LRP2: variants seen among roughly 807,000 people sequenced by gnomAD.
The protein encoded by LRP2 is low-density lipoprotein receptor-related protein 2.
In LRP2, 172 loss-of-function variants were observed where a neutral mutation model predicts 531.0. That is an observed-to-expected ratio of 0.32 (90% CI 0.29 to 0.37). The LOEUF (loss-of-function observed/expected upper bound fraction) is 0.37. Among genes scored for constraint, LRP2 ranks in the 10% least tolerant of loss-of-function variants. The pLI is 1.00. For synonymous variants in LRP2, 1,992 were observed against 2,027.6 expected, an observed-to-expected ratio of 0.98 and a Z score of 0.47; for missense variants, 5,167 against 5,868.3, an observed-to-expected ratio of 0.88 and a Z score of 3.90.
intron 71 of LRP2, among the ~76,000 whole-genome samples, chr2:169,141,675 A>G (rs1685722343): frequency 6.6e-6 from 1 of 152,246 alleles, no homozygotes; most frequent in African/African-American, 2.4e-5. Flanking sequence ...AACCAGGACC[A>G]CACTGCTCCC....
At position 169,170,662 on chromosome 2, in the gene LRP2, G is replaced by A. The variant is rs765588304; in HGVS notation, c.11269C>T (p.Arg3757Trp). Residue 3757 changes from arginine to tryptophan, a missense_variant, in exon 59 of 79, where the codon CGG (arginine) becomes TGG (tryptophan). Arg to Trp is a moderately radical substitution (Grantham distance 101). Around this residue, in one of 6 missense-constraint regions of LRP2, gnomAD observed 564 missense variants for 747.7 expected, o/e 0.75. Coordinates refer to ENST00000649046, the MANE Select transcript of LRP2 (RefSeq NM_004525.3). Reference protein sequence around the residue: ...DNSDEENCAPRECTESEFRCV... With the variant: ...DNSDEENCAPWECTESEFRCV... ...CGAAACTCGCTCTCTGTGCACTCCCGGGGAGCTGGAAAGGAAAGGCACCTG... is the reference window on the plus strand; with the variant it reads ...CGAAACTCGCTCTCTGTGCACTCCCAGGGAGCTGGAAAGGAAAGGCACCTG... 19 of 1,610,194 alleles carry A rather than the reference G, an allele frequency of 1.2e-5. No individual in the cohort carries two copies. Among genetic ancestry groups the A allele is most frequent in the East Asian group, 1.1e-4 (5 of 44,832 alleles).
At position 169,206,479 on chromosome 2, in the gene LRP2, G is replaced by A; in HGVS notation, c.7241C>T (p.Thr2414Ile). 1 of 1,614,166 alleles carries A rather than the reference G, an allele frequency of 6.2e-7. No homozygotes were observed. The highest frequency in any genetic ancestry group is 8.5e-7 in the Non-Finnish European group (1 of 1,180,024). ...DPENHSPPFQ[T>I]INVERTVMSL... is the part of the protein sequence containing the mutation. ...CATGACAGTTCTTTCCACATTTATT[G>A]TTTGGAAAGGTGGGCTATGGTTTTC... The change falls in exon 39 of 79, where the codon ACA becomes ATA. Residue 2414 changes from threonine to isoleucine, a missense_variant. Transcript: ENST00000649046.
rs536123725 is a variant in LRP2, at chr2:169,362,151, C to A, written c.79+170G>T. Among the ~76,000 whole-genome samples the A allele has an allele frequency of 5.9e-5, 9 of 152,362 alleles. No individual in the cohort carries two copies. The East Asian group carries it at 1.5e-3, about 26-fold the overall frequency. On this transcript the variant is annotated intron_variant, in intron 1 of 78. Transcript: ENST00000649046. Reference sequence around the variant, plus strand: ...TTCCTGGCGAGCGAAGAGGGGCGCTCCCGCTCCGGCTTCGCGAAGCAACCT... The same window carrying A: ...TTCCTGGCGAGCGAAGAGGGGCGCTACCGCTCCGGCTTCGCGAAGCAACCT...
intron 3 of LRP2, among the ~76,000 whole-genome samples, chr2:169,307,611 C>G (rs143532485): frequency 6.6e-6 from 1 of 152,108 alleles, no homozygotes; most frequent in Non-Finnish European, 1.5e-5. Context: ...ATGCTATGTA[C>G]ACAATTACGT....
intron 10 of LRP2, among the ~76,000 whole-genome samples, chr2:169,281,284 T>C (rs963948461): frequency 3.9e-5 from 6 of 152,078 alleles, no homozygotes; most frequent in African/African-American, 9.7e-5. Flanking sequence ...TAGCTGGGCA[T>C]GGTGGCGGGG....
chr2:169,168,696 CAT>C lies in LRP2; in HGVS notation c.11498-22_11498-21del. ...GTGTGGCTGCCATGGGGGAAAAAAACATATTCAAATTATTATACAAATTGACT... is the reference window on the plus strand; with the variant it reads ...GTGTGGCTGCCATGGGGGAAAAAAACATTCAAATTATTATACAAATTGACT... On this transcript the variant is annotated intron_variant, in intron 60 of 78. Coordinates refer to ENST00000649046, the MANE Select transcript of LRP2 (RefSeq NM_004525.3). 6.2e-7 allele frequency: 1 copy of C among 1,608,050 alleles called. No homozygotes were observed. Among genetic ancestry groups the C allele is most frequent in the Non-Finnish European group, 8.5e-7 (1 of 1,174,408 alleles).
intron 69 of LRP2, among the ~76,000 whole-genome samples, chr2:169,146,157 A>G (rs1302990923): frequency 6.6e-6 from 1 of 152,156 alleles, no homozygotes; most frequent in Admixed American, 6.5e-5. Flanking sequence ...ACCACCCGAC[A>G]CCAATCACAG....
intron 29 of LRP2, among the ~76,000 whole-genome samples, chr2:169,235,530 C>T (rs966071532): frequency 1.3e-5 from 2 of 152,168 alleles, no homozygotes; most frequent in African/African-American, 4.8e-5. Flanking sequence ...TGAGCCACCG[C>T]GCCCGGCCAC....
chr2:169,237,578 A>G (rs1689652183), intron 27 of LRP2, among the ~76,000 whole-genome samples: 1 of 152,202 alleles, frequency 6.6e-6, no homozygotes, highest in Admixed American at 6.5e-5. Flanking sequence ...AGCTCTATCC[A>G]TTTGCTTAGT....
At chr2:169,140,149 A>G (rs1356649860) in intron 72 of LRP2, among the ~76,000 whole-genome samples, 2 of 151,930 alleles carry the variant, frequency 1.3e-5, no homozygotes, top group African/African-American at 4.8e-5. Flanking sequence ...CAATTCTCTA[A>G]CTCCTTGCTC....
At chr2:169,283,035 G>T (rs557524844) in intron 9 of LRP2, 34 bp from the exon 10 acceptor site, 3 of 1,611,852 alleles carry the variant, frequency 1.9e-6, no homozygotes, top group East Asian at 2.2e-5. Flanking sequence ...TGTAGTCAAG[G>T]TTATCAGCAT....
chr2:169,242,969 A>T lies in LRP2; in HGVS notation c.3654T>A (p.Asp1218Glu). ...DGVFDCSDNSDEAGCPTRPPG... is the reference protein window; with the variant it reads ...DGVFDCSDNSEEAGCPTRPPG... ...TGTGTTACTTACGACAGCCTGCTTC[A>T]TCCGAGTTGTCACTGCAATCAAAAA... Residue 1218 changes from aspartate (D) to glutamate (E), a missense_variant, in exon 24 of 79, where the codon GAT becomes GAA. Physicochemically the swap from Asp to Glu is conservative, Grantham distance 45. Transcript: ENST00000649046. The T allele has an allele frequency of 6.2e-7, 1 of 1,613,788 alleles. No homozygotes were observed. Among genetic ancestry groups the T allele is most frequent in the Non-Finnish European group, 8.5e-7 (1 of 1,179,700 alleles).
chr2:169,194,830 C>T (rs1294489845), intron 46 of LRP2, among the ~76,000 whole-genome samples: 4 of 149,676 alleles, frequency 2.7e-5, no homozygotes, highest in African/African-American at 5.0e-5. Context: ...AAGTGATTCT[C>T]CTGCCTGAGT....
At chr2:169,170,517 A>C (rs771579045) in intron 59 of LRP2, 34 bp downstream of exon 59, 5 of 1,563,628 alleles carry the variant, frequency 3.2e-6, no homozygotes, top group African/African-American at 1.4e-5. Context: ...TCACAGTACA[A>C]AATTCTATGG....
chr2:169,278,098 T>G lies in LRP2; in HGVS notation c.1566-147A>C, dbSNP rs3815678. On this transcript the variant is annotated intron_variant, in intron 12 of 78. Transcript: ENST00000649046. ...AAAACAACAGGGAAATTAAGTTGTT[T>G]TTTTTTTTTAAAGAGACTGTGGGGG... is the stretch of plus-strand genomic sequence containing the variant. The G allele has an allele frequency of 0.012, 8,452 of 677,796 alleles. 301 individuals are homozygous for G. The highest frequency in any genetic ancestry group is 0.086 in the East Asian group (3,168 of 37,038). The allele number at this position is 677,796 out of a possible 1,614,324, so 42.0% of individuals were successfully genotyped here.
intron 1 of LRP2, among the ~76,000 whole-genome samples, chr2:169,349,372 T>A (rs542819863): frequency 1.3e-5 from 2 of 152,114 alleles, no homozygotes; most frequent in East Asian, 3.9e-4. Flanking sequence ...GGCCCAAAAG[T>A]GCTCACCATG....
rs553206307 is a variant in LRP2, at chr2:169,172,134, T to A, written c.11144A>T (p.Glu3715Val). 5.6e-6 allele frequency: 9 copies of A among 1,614,148 alleles called. No homozygotes were observed. Among genetic ancestry groups the A allele is most frequent in the African/African-American group, 2.7e-5 (2 of 75,056 alleles). The change falls in exon 58 of 79, where the codon GAG (glutamate) becomes GTG (valine). Residue 3715 changes from glutamate (E) to valine (V), a missense_variant and splice_region_variant. By Grantham distance (121) the Glu-to-Val change is moderately radical. Around this residue, in one of 6 missense-constraint regions of LRP2, gnomAD observed 311 missense variants for 309.4 expected, o/e 1.01. Coordinates refer to ENST00000649046, the MANE Select transcript of LRP2 (RefSeq NM_004525.3). ...CRDNSDEQGC[E>V]ERTCHPVGDF... ...CCCCACAGGATGGCATGTCCTCTCC[T>A]CTGCAAAGCAGTCATTGCAAAGACT...
chr2:169,191,139 T>C (rs1331351504), intron 48 of LRP2, among the ~76,000 whole-genome samples: 1 of 152,214 alleles, frequency 6.6e-6, no homozygotes, highest in Non-Finnish European at 1.5e-5. Flanking sequence ...GATTTCCAAC[T>C]TCTGTCAAAA....
At chr2:169,159,711 T>G (rs1686502751) in intron 63 of LRP2, among the ~76,000 whole-genome samples, 1 of 152,050 alleles carries the variant, frequency 6.6e-6, no homozygotes. Context: ...AGCAGTGATA[T>G]CCCCTCTACA....
Sources: allele counts gnomAD v4.1 joint callset (sites outside exome capture counted in the v4.1 genomes callset), GRCh38; gene constraint gnomAD v4.1.1; regional missense constraint gnomAD v4.1.1; transcripts MANE v1.5; gene names NCBI Gene and HGNC (gene_info 2026-07-23, HGNC 2026-07-21).